The following PTPMT1 variants were observed in gnomAD, a reference collection of about 807,000 sequenced individuals.
PTPMT1 encodes the protein protein tyrosine phosphatase mitochondrial 1, also known as phosphatidylglycerophosphatase and protein-tyrosine phosphatase 1.
Under a neutral mutation model 17.8 loss-of-function variants are expected in PTPMT1, and 12 were observed. The observed-to-expected ratio is 0.67, with a 90% CI of 0.43 to 1.09. The LOEUF (loss-of-function observed/expected upper bound fraction) is 1.09. Ranked by LOEUF, PTPMT1 falls within the 50% of genes least tolerant of loss-of-function variation. PTPMT1 has a pLI of 0.00. For synonymous variants in PTPMT1, 132 were observed against 116.8 expected (o/e 1.13, Z -0.84); for missense variants, 262 against 266.0 (o/e 0.99, Z 0.10).
Position 47,573,089 on chromosome 11 carries a change from G to C in PTPMT1, c.*1460G>C, listed in dbSNP as rs1316263342. The C allele has an allele frequency of 6.2e-7, 1 of 1,614,204 alleles. No individual in the cohort carries two copies. On this transcript the variant is annotated 3_prime_UTR_variant, in exon 4 of 4. Transcript: ENST00000326674. This position sits in a 1 kb window ranked among gnomAD's most constrained non-coding sequence, Gnocchi z 4.1. ...TCCCGTTACAGCTGGCAATCTTCCA[G>C]AGGGATGGGGCAGAGCTCCAGGCCT...
intron 2 of PTPMT1, among the ~76,000 whole-genome samples, chr11:47,569,222 C>A (rs2097248115): frequency 6.6e-6 from 1 of 151,270 alleles, no homozygotes; most frequent in Non-Finnish European, 1.5e-5. Context: ...CCCGTCTCTA[C>A]TAAAAATGCA....
In PTPMT1 at chr11:47,573,441, A is replaced by G; in HGVS notation, c.*1812A>G. On this transcript the variant is annotated 3_prime_UTR_variant, in exon 4 of 4. Coordinates refer to ENST00000326674, the MANE Select transcript of PTPMT1 (RefSeq NM_175732.3). This position sits in a 1 kb window ranked among gnomAD's most constrained non-coding sequence, Gnocchi z 4.1. ...CACATTATCACCTACGCGATAATAA[A>G]TGACTGCGTTGGAGAGGGTATCTTG... The G allele has an allele frequency of 6.2e-7, 1 of 1,614,210 alleles. No individual in the cohort carries two copies. The highest frequency in any genetic ancestry group is 8.5e-7 in the Non-Finnish European group (1 of 1,180,040).
At chr11:47,566,696 G>A (rs1199193824) in intron 2 of PTPMT1, among the ~76,000 whole-genome samples, 2 of 152,100 alleles carry the variant, frequency 1.3e-5, no homozygotes, top group East Asian at 3.9e-4. Context: ...CCAGATGAAG[G>A]CCCTGCCAAC....
chr11:47,568,740 G>T lies in PTPMT1; in HGVS notation c.256-960G>T, dbSNP rs182947016. 1.2e-4 allele frequency among the ~76,000 whole-genome samples: 19 copies of T among 152,142 alleles called. No homozygotes were observed. The East Asian group carries it at 3.3e-3, about 26-fold the overall frequency. ...TTGTTTTGCTCTTGTCTCCCAGGCT[G>T]GAGTACAATGGTGCGATCTCTGCTC... On this transcript the variant is annotated intron_variant, in intron 2 of 3. Coordinates refer to ENST00000326674, the MANE Select transcript of PTPMT1 (RefSeq NM_175732.3).
At chr11:47,567,330 C>A (rs1455692130) in intron 2 of PTPMT1, among the ~76,000 whole-genome samples, 2 of 151,270 alleles carry the variant, frequency 1.3e-5, no homozygotes, top group African/African-American at 2.4e-5. Context: ...CGCTTGAACC[C>A]GGGAGGCAGA....
rs1317986385 is a variant in PTPMT1 at position 47,573,200 on chromosome 11, T to A, written c.*1571T>A. The A allele has an allele frequency of 1.2e-6, 2 of 1,614,054 alleles. No individual in the cohort carries two copies. Among genetic ancestry groups the A allele is most frequent in the African/African-American group, 1.3e-5 (1 of 74,920 alleles). On this transcript the variant is annotated 3_prime_UTR_variant, in exon 4 of 4. Transcript: ENST00000326674. This position sits in a 1 kb window ranked among gnomAD's most constrained non-coding sequence, Gnocchi z 4.1. ...CTTCAGCCACGATGAACACCAGATC[T>A]TTATGCACAGCTGCGTGCATGCGGC...
At chr11:47,570,339 C>T (rs561972216) in intron 3 of PTPMT1, among the ~76,000 whole-genome samples, 4 of 152,318 alleles carry the variant, frequency 2.6e-5, no homozygotes, top group South Asian at 4.1e-4. Context: ...TGGAAAGCAC[C>T]TGAGCCTTGT....
rs2097251729 is a variant in PTPMT1, at chr11:47,572,864, C to G, written c.*1235C>G. The G allele has an allele frequency of 5.2e-6, 8 of 1,529,858 alleles. No homozygotes were observed. Among genetic ancestry groups the G allele is most frequent in the Non-Finnish European group, 7.1e-6 (8 of 1,129,576 alleles). The allele number at this position is 1,529,858 out of a possible 1,614,324, so 94.8% of individuals were successfully genotyped here. ...AAAAACATAACTCTGAATTGGGGCC[C>G]AGGGGACTTTGAGTTTGTATGGGGA... On this transcript the variant is annotated 3_prime_UTR_variant, in exon 4 of 4. Transcript: ENST00000326674.
At chr11:47,568,127 A>G (rs1322417698) in intron 2 of PTPMT1, among the ~76,000 whole-genome samples, 1 of 151,416 alleles carries the variant, frequency 6.6e-6, no homozygotes, top group African/African-American at 2.4e-5. Flanking sequence ...TCACCGTGTT[A>G]GCCAGGATGG....
rs557778923 is a variant in PTPMT1, at chr11:47,572,851, C to T, written c.*1222C>T. 4.1e-6 allele frequency: 6 copies of T among 1,475,942 alleles called. No individual in the cohort carries two copies. In the Admixed American group the frequency reaches 1.3e-4, roughly 31 times the overall value. The allele number at this position is 1,475,942 out of a possible 1,614,324, so 91.4% of individuals were successfully genotyped here. ...AGTATGTGCCAAAAAAAACATAACT[C>T]TGAATTGGGGCCCAGGGGACTTTGA... On this transcript the variant is annotated 3_prime_UTR_variant, in exon 4 of 4. Coordinates refer to ENST00000326674, the MANE Select transcript of PTPMT1 (RefSeq NM_175732.3).
Position 47,571,547 on chromosome 11 carries a change from A to C in PTPMT1, c.524A>C (p.Gln175Pro), listed in dbSNP as rs747639616. The C allele has an allele frequency of 1.2e-6, 2 of 1,614,072 alleles. No homozygotes were observed. The highest frequency in any genetic ancestry group is 1.7e-6 in the Non-Finnish European group (2 of 1,180,024). Residue 175 changes from glutamine (Q) to proline (P), a missense_variant, in exon 4 of 4, where the codon CAG (glutamine) becomes CCG (proline). Transcript: ENST00000326674. The stretch of plus-strand genomic sequence containing the variant: ...TCATACATCCACATCAGGCCTGGCC[A>C]GCTGGATGTTCTTAAAGAGTTCCAC... Reference protein sequence around the residue: ...IRSYIHIRPGQLDVLKEFHKQ... With the variant: ...IRSYIHIRPGPLDVLKEFHKQ...
intron 2 of PTPMT1, among the ~76,000 whole-genome samples, chr11:47,568,741 G>C (rs2097247781): frequency 6.6e-6 from 1 of 151,988 alleles, no homozygotes; most frequent in Non-Finnish European, 1.5e-5. Context: ...TCCCAGGCTG[G>C]AGTACAATGG....
rs2097249773 is a variant in PTPMT1, at chr11:47,571,626, A to G, written c.603A>G (p.Thr201=). 1 of 1,613,992 alleles carries G rather than the reference A, an allele frequency of 6.2e-7. No homozygotes were observed. Among genetic ancestry groups the G allele is most frequent in the Non-Finnish European group, 8.5e-7 (1 of 1,179,970 alleles). The change falls in exon 4 of 4, where the codon ACA becomes ACG. Residue 201 remains threonine (T), a synonymous_variant. Transcript: ENST00000326674. ...TKDGTFVISK[T] Reference sequence around the variant, plus strand: ...ATGGGACTTTTGTCATTTCAAAGACATGATGTATGGGGATTAGAAAGAACT... The same window carrying G: ...ATGGGACTTTTGTCATTTCAAAGACGTGATGTATGGGGATTAGAAAGAACT...
chr11:47,568,496 C>G (rs866908235), intron 2 of PTPMT1, among the ~76,000 whole-genome samples: 1 of 151,428 alleles, frequency 6.6e-6, no homozygotes, highest in African/African-American at 2.4e-5. Flanking sequence ...GGCAACATAG[C>G]GAGACCCCCA....
chr11:47,566,810 T>G (rs1055898850), intron 2 of PTPMT1, among the ~76,000 whole-genome samples: 1 of 152,148 alleles, frequency 6.6e-6, no homozygotes, highest in Non-Finnish European at 1.5e-5. Flanking sequence ...TTGGGGGAAT[T>G]TTTAGTCATA....
intron 2 of PTPMT1, among the ~76,000 whole-genome samples, chr11:47,569,000 T>C (rs1565927264): frequency 6.6e-6 from 1 of 151,736 alleles, no homozygotes; most frequent in African/African-American, 2.4e-5. Flanking sequence ...CAAAATAAAA[T>C]GTTAAGACGT....
intron 3 of PTPMT1, among the ~76,000 whole-genome samples, chr11:47,571,023 G>C (rs2097249331): frequency 6.6e-6 from 1 of 152,200 alleles, no homozygotes; most frequent in African/African-American, 2.4e-5. Context: ...CTTAGGACAT[G>C]TTAACCCTCC....
At chr11:47,567,272 G>A (rs961321839) in intron 2 of PTPMT1, among the ~76,000 whole-genome samples, 13 of 151,924 alleles carry the variant, frequency 8.6e-5, no homozygotes, top group African/African-American at 3.1e-4. Context: ...CGGGCGTGGT[G>A]GCAGGCGCCT....
chr11:47,567,085 A>AT lies in PTPMT1; in HGVS notation c.255+1106dup, dbSNP rs531403701. Among the ~76,000 whole-genome samples, 22 of 152,124 alleles carry AT rather than the reference A, an allele frequency of 1.4e-4. No individual in the cohort carries two copies. In the South Asian group the frequency reaches 3.9e-3, roughly 27 times the overall value. On this transcript the variant is annotated intron_variant, in intron 2 of 3. Coordinates refer to ENST00000326674, the MANE Select transcript of PTPMT1 (RefSeq NM_175732.3). ...AAGATACTATTATTTCAACCTGAGGATTTTTTTGAAACCTTGAAAATATTT... is the reference window on the plus strand; with the variant it reads ...AAGATACTATTATTTCAACCTGAGGATTTTTTTTGAAACCTTGAAAATATTT...
Sources: gnomAD v4.1 joint callset for allele counts (sites outside exome capture counted in the v4.1 genomes callset) on GRCh38, gnomAD v4.1.1 for gene constraint, Gnocchi (gnomAD v3.1) non-coding constraint, MANE v1.5 for transcripts, NCBI Gene and HGNC (gene_info 2026-07-23, HGNC 2026-07-21) for gene names.